MEIKIN: variants seen among roughly 807,000 people sequenced by gnomAD.
MEIKIN encodes the protein meiosis-specific kinetochore protein.
At position 131,921,813 on chromosome 5, in the gene MEIKIN, G is replaced by A. The variant is rs114261352; in HGVS notation, c.598+9C>T. The A allele has an allele frequency of 3.4e-4, 135 of 398,956 alleles. 2 individuals carry two copies. The highest frequency in any genetic ancestry group is 2.4e-3 in the African/African-American group (117 of 48,752). The allele number at this position is 398,956 out of a possible 1,614,324, so 24.7% of individuals were successfully genotyped here. On this transcript the variant is annotated intron_variant, in intron 6 of 12. Coordinates refer to ENST00000442687, the MANE Select transcript of MEIKIN (RefSeq NM_001303622.2). ...AGATGAGAAATGTTCCCCTGTGTGT[G>A]CAACTCACTGAAAATTGCTGAGACA...
chr5:131,871,648 T>G (rs948623817), intron 9 of MEIKIN, among the ~76,000 whole-genome samples: 1 of 151,830 alleles, frequency 6.6e-6, no homozygotes, highest in Non-Finnish European at 1.5e-5. Flanking sequence ...TTGAAGAGAG[T>G]AGTGGTTCTC....
rs1380246414 is a variant in MEIKIN, at chr5:131,807,018, C to T, written c.*218G>A. On this transcript the variant is annotated 3_prime_UTR_variant, in exon 13 of 13. Coordinates refer to ENST00000442687, the MANE Select transcript of MEIKIN (RefSeq NM_001303622.2). ...GGTTCTTTATCTTTTAATATAAATA[C>T]ATATATTTAAGAAGCATATGGAATA... 2 of 352,524 alleles carry T rather than the reference C, an allele frequency of 5.7e-6. No individual in the cohort carries two copies. Among genetic ancestry groups the T allele is most frequent in the Non-Finnish European group, 1.0e-5 (2 of 198,582 alleles). The allele number at this position is 352,524 out of a possible 1,614,324, so 21.8% of individuals were successfully genotyped here.
intron 11 of MEIKIN, among the ~76,000 whole-genome samples, chr5:131,832,377 A>G (rs1421951931): frequency 3.3e-5 from 5 of 152,116 alleles, no homozygotes; most frequent in Non-Finnish European, 5.9e-5. Flanking sequence ...GTGGGTTCTC[A>G]TGGTCTTGGG....
intron 8 of MEIKIN, among the ~76,000 whole-genome samples, chr5:131,893,549 G>A (rs746162662): frequency 7.2e-5 from 11 of 152,206 alleles, no homozygotes; most frequent in African/African-American, 1.9e-4. Flanking sequence ...CGGGTGAGGC[G>A]ATGCCTCGCC....
intron 8 of MEIKIN, among the ~76,000 whole-genome samples, chr5:131,890,971 T>C (rs1750902579): frequency 6.6e-6 from 1 of 152,226 alleles, no homozygotes; most frequent in African/African-American, 2.4e-5. Context: ...CATTTCGTTA[T>C]GTACCCAGTA....
intron 11 of MEIKIN, among the ~76,000 whole-genome samples, chr5:131,843,274 C>T (rs1456633701): frequency 1.3e-5 from 2 of 152,376 alleles, no homozygotes; most frequent in Non-Finnish European, 2.9e-5. Context: ...ATTTTTCCCA[C>T]TGTCTTGGAT....
chr5:131,812,018 C>G (rs947946416), intron 12 of MEIKIN, among the ~76,000 whole-genome samples: 6 of 152,270 alleles, frequency 3.9e-5, no homozygotes, highest in African/African-American at 1.4e-4. Context: ...ACAACATTAT[C>G]GGCACCCTAG....
chr5:131,867,791 T>C (rs1421845317), intron 9 of MEIKIN, among the ~76,000 whole-genome samples: 2 of 152,232 alleles, frequency 1.3e-5, no homozygotes, highest in Non-Finnish European at 2.9e-5. Context: ...AACATTTTCG[T>C]TGCTTCCAAG....
intron 11 of MEIKIN, among the ~76,000 whole-genome samples, chr5:131,831,307 TG>T (rs1328909087): frequency 6.6e-6 from 1 of 152,144 alleles, no homozygotes; most frequent in Non-Finnish European, 1.5e-5. Context: ...TCCAACACTT[TG>T]GGAGGCCAAG....
intron 9 of MEIKIN, among the ~76,000 whole-genome samples, chr5:131,862,130 T>C (rs1040702019): frequency 6.6e-6 from 1 of 152,192 alleles, no homozygotes; most frequent in Admixed American, 6.5e-5. Context: ...ATCTCACTAC[T>C]CATTATTGGT....
At chr5:131,840,849 G>A (rs758796746) in intron 11 of MEIKIN, among the ~76,000 whole-genome samples, 5 of 152,040 alleles carry the variant, frequency 3.3e-5, no homozygotes, top group African/African-American at 9.7e-5. Context: ...TATTTCTGTC[G>A]TTTCAGTCAT....
chr5:131,821,619 T>C (rs573772522), intron 11 of MEIKIN, among the ~76,000 whole-genome samples: 11 of 149,206 alleles, frequency 7.4e-5, no homozygotes, highest in Non-Finnish European at 1.6e-4. Context: ...TATTGTTATA[T>C]TGAGGTCTGC....
chr5:131,892,141 C>G (rs563093660), intron 8 of MEIKIN, among the ~76,000 whole-genome samples: 20 of 152,252 alleles, frequency 1.3e-4, no homozygotes, highest in African/African-American at 4.8e-4. Flanking sequence ...CTCTGGCTGC[C>G]CTTAACATTT....
At position 131,837,681 on chromosome 5, in the gene MEIKIN, TGTTA is replaced by T. The variant is rs372916660; in HGVS notation, c.975+13579_975+13582del. On this transcript the variant is annotated intron_variant, in intron 11 of 12. Transcript: ENST00000442687. ...CTTAACTGTAATTGGTGTATAGGAA[TGTTA>T]GTTATTTTTGTACATTGATTTTGTA... Among the ~76,000 whole-genome samples the T allele has an allele frequency of 7.4e-4, 112 of 152,266 alleles. 2 individuals carry two copies. The East Asian group carries it at 0.018, about 24-fold the overall frequency.
At chr5:131,864,978 T>C (rs571368843) in intron 9 of MEIKIN, among the ~76,000 whole-genome samples, 1 of 152,326 alleles carries the variant, frequency 6.6e-6, no homozygotes, top group South Asian at 2.1e-4. Flanking sequence ...CTGAGATTCT[T>C]TCCTCTGTTT....
chr5:131,824,784 TAATA>T (rs910789634), intron 11 of MEIKIN, among the ~76,000 whole-genome samples: 1 of 151,970 alleles, frequency 6.6e-6, no homozygotes, highest in Non-Finnish European at 1.5e-5. Context: ...AGAGAGAATA[TAATA>T]AATAATAGCT....
intron 11 of MEIKIN, among the ~76,000 whole-genome samples, chr5:131,823,503 C>T (rs1749557306): frequency 6.6e-6 from 1 of 151,942 alleles, no homozygotes; most frequent in African/African-American, 2.4e-5. Context: ...TGCCAAATTG[C>T]AGTTTTCAAC....
chr5:131,843,157 G>A (rs940680071), intron 11 of MEIKIN, among the ~76,000 whole-genome samples: 2 of 152,252 alleles, frequency 1.3e-5, no homozygotes, highest in African/African-American at 4.8e-5. Flanking sequence ...AGGCTGCACA[G>A]AGCAGCAAGG....
intron 7 of MEIKIN, among the ~76,000 whole-genome samples, chr5:131,912,477 G>A (rs1751347663): frequency 6.6e-6 from 1 of 151,832 alleles, no homozygotes; most frequent in African/African-American, 2.4e-5. Flanking sequence ...TATCACAAAA[G>A]GAATAAATAA....
Sources: allele counts gnomAD v4.1 joint callset (sites outside exome capture counted in the v4.1 genomes callset), GRCh38; gene constraint gnomAD v4.1.1; transcripts MANE v1.5; gene names NCBI Gene and HGNC (gene_info 2026-07-23, HGNC 2026-07-21).